The following INVS variants were observed in gnomAD, a reference collection of about 807,000 sequenced individuals.
INVS encodes inversin.
In INVS, 86 loss-of-function variants were observed where a neutral mutation model predicts 108.8. The ratio of observed to expected loss-of-function variants is 0.79; its 90% CI spans 0.66 to 0.95. The LOEUF is 0.95. Among genes scored for constraint, INVS ranks in the 40% least tolerant of loss-of-function variants. INVS has a pLI of 0.00. For missense variants in INVS, 1,169 were observed against 1,297.4 expected (o/e 0.90, Z 1.52); for synonymous variants, 455 against 473.5 (o/e 0.96, Z 0.51).
At chr9:100,243,118 T>C (rs1831931405) in intron 7 of INVS, among the ~76,000 whole-genome samples, 1 of 152,212 alleles carries the variant, frequency 6.6e-6, no homozygotes, top group Admixed American at 6.5e-5. Context: ...CATTTTACTT[T>C]ACTGTAAGAA....
At chr9:100,125,729 A>AGG (rs1176238053) in intron 2 of INVS, among the ~76,000 whole-genome samples, 18 of 136,168 alleles carry the variant, frequency 1.3e-4, no homozygotes, top group Non-Finnish European at 6.1e-5. Flanking sequence ...CTCGTTGTCC[A>AGG]GGCTGGAGTG....
chr9:100,226,045 T>C lies in INVS; in HGVS notation c.274-17T>C. ...CATAGTACATTTTTTTCTTATCATC[T>C]CTTGTTTTTTATTTAGGGAAATTAT... On this transcript the variant is annotated splice_polypyrimidine_tract_variant and intron_variant, in intron 3 of 16. Transcript: ENST00000262457. The C allele has an allele frequency of 3.1e-6, 5 of 1,589,174 alleles. No homozygotes were observed. Among genetic ancestry groups the C allele is most frequent in the South Asian group, 2.2e-5 (2 of 88,900 alleles).
At chr9:100,158,169 T>C (rs1829063032) in intron 3 of INVS, among the ~76,000 whole-genome samples, 1 of 152,230 alleles carries the variant, frequency 6.6e-6, no homozygotes, top group Non-Finnish European at 1.5e-5. Flanking sequence ...CTATCTTGTT[T>C]ATATTCTCAT....
intron 3 of INVS, among the ~76,000 whole-genome samples, chr9:100,157,945 G>T (rs973809800): frequency 2.6e-5 from 4 of 152,116 alleles, no homozygotes; most frequent in African/African-American, 9.7e-5. Context: ...TGCAGAAGAA[G>T]CTTACTTGTT....
chr9:100,157,786 T>G (rs996976708), intron 3 of INVS, among the ~76,000 whole-genome samples: 54 of 152,230 alleles, frequency 3.5e-4, no homozygotes, highest in Non-Finnish European at 2.5e-4. Flanking sequence ...TTTTATTTTC[T>G]TTGAAATTTA....
intron 14 of INVS, among the ~76,000 whole-genome samples, chr9:100,294,842 T>C (rs1294914746): frequency 6.6e-6 from 1 of 152,210 alleles, no homozygotes; most frequent in Non-Finnish European, 1.5e-5. Flanking sequence ...TGGACACTTG[T>C]GCCACTGTTC....
intron 3 of INVS, among the ~76,000 whole-genome samples, chr9:100,170,393 CAAAA>C (rs10585469): frequency 0.012 from 1,477 of 122,796 alleles, 6 homozygotes; most frequent in Non-Finnish European, 0.016. Flanking sequence ...CCTGTCTGTA[CAAAA>C]AAAAAAAAAA....
chr9:100,176,204 G>T (rs375251744), intron 3 of INVS: 5 of 310,428 alleles, frequency 1.6e-5, no homozygotes, highest in Admixed American at 8.9e-5. Flanking sequence ...CTATCAAGTC[G>T]ATTTTGTGGA....
In INVS at chr9:100,241,989, C is replaced by T. The variant is rs116859290; in HGVS notation, c.797-581C>T. Among the ~76,000 whole-genome samples the T allele has an allele frequency of 2.1e-4, 32 of 152,312 alleles. No homozygotes were observed. The East Asian group carries it at 5.6e-3, about 27-fold the overall frequency. ...AGAATGCACTACATTGTCTTCATCG[C>T]TGCCTTATCATGCCTGCCCACTTGT... is the stretch of plus-strand genomic sequence containing the variant. On this transcript the variant is annotated intron_variant, in intron 6 of 16. Coordinates refer to ENST00000262457, the MANE Select transcript of INVS (RefSeq NM_014425.5).
chr9:100,230,136 T>C (rs974017817), intron 5 of INVS, among the ~76,000 whole-genome samples: 1 of 152,220 alleles, frequency 6.6e-6, no homozygotes, highest in African/African-American at 2.4e-5. Flanking sequence ...TTCATACTTG[T>C]TTTTATTAAA....
intron 10 of INVS, among the ~76,000 whole-genome samples, chr9:100,264,296 C>T (rs1008514432): frequency 2.0e-5 from 3 of 152,034 alleles, no homozygotes; most frequent in Non-Finnish European, 4.4e-5. Context: ...AAGGGTATTA[C>T]CTCTGGAGAT....
intron 5 of INVS, among the ~76,000 whole-genome samples, chr9:100,236,827 G>C (rs1178540336): frequency 6.6e-6 from 1 of 152,214 alleles, no homozygotes; most frequent in African/African-American, 2.4e-5. Flanking sequence ...CAGTGAGGAG[G>C]CACAGGAGTC....
intron 3 of INVS, among the ~76,000 whole-genome samples, chr9:100,166,180 A>T (rs536513050): frequency 1.3e-5 from 2 of 152,282 alleles, no homozygotes; most frequent in South Asian, 4.1e-4. Flanking sequence ...AAATGGCAGA[A>T]CCAGGGTTCA....
At position 100,252,349 on chromosome 9, in the gene INVS, A is replaced by G; in HGVS notation, c.1145A>G (p.Gln382Arg). 3 of 1,613,998 alleles carry G rather than the reference A, an allele frequency of 1.9e-6. No homozygotes were observed. Among genetic ancestry groups the G allele is most frequent in the Non-Finnish European group, 2.5e-6 (3 of 1,179,862 alleles). ...TVKLLLENNAQVDATDVMKHT... is the reference protein window; with the variant it reads ...TVKLLLENNARVDATDVMKHT... ...AAGTTATTACTGGAAAATAATGCTC[A>G]AGTAGATGCTACTGATGTTATGAAA... Residue 382 changes from glutamine to arginine, a missense_variant, in exon 9 of 17, where the codon CAA becomes CGA. Gln to Arg is a conservative substitution (Grantham distance 43). Transcript: ENST00000262457.
chr9:100,100,916 ATG>A (rs1491542063), intron 1 of INVS, among the ~76,000 whole-genome samples: 2 of 40,846 alleles, frequency 4.9e-5, no homozygotes, highest in Non-Finnish European at 7.5e-5. Context: ...TATATATTAT[ATG>A]TATATATATA....
At chr9:100,234,683 G>T (rs577433608) in intron 5 of INVS, among the ~76,000 whole-genome samples, 2 of 152,314 alleles carry the variant, frequency 1.3e-5, no homozygotes, top group South Asian at 4.1e-4. Context: ...TTTTGAGTGA[G>T]TTTCTTAATC....
intron 15 of INVS, among the ~76,000 whole-genome samples, 170 bp downstream of exon 15, chr9:100,297,316 AACCT>A (rs776097018): frequency 4.6e-5 from 7 of 151,920 alleles, no homozygotes; most frequent in Admixed American, 6.6e-5. Flanking sequence ...ATTTTGCACC[AACCT>A]AATATTTCTC....
At chr9:100,257,488 G>C (rs886665434) in intron 10 of INVS, among the ~76,000 whole-genome samples, 2 of 152,338 alleles carry the variant, frequency 1.3e-5, no homozygotes, top group East Asian at 3.9e-4. Context: ...AGTTGATGCA[G>C]TTTCTTCTTA....
intron 3 of INVS, among the ~76,000 whole-genome samples, chr9:100,181,267 A>C (rs1252129102): frequency 6.6e-6 from 1 of 152,190 alleles, no homozygotes; most frequent in East Asian, 1.9e-4. Context: ...AGTTCTGGCC[A>C]GGGCAATCAG....
Sources: gnomAD v4.1 joint callset for allele counts (sites outside exome capture counted in the v4.1 genomes callset) on GRCh38, gnomAD v4.1.1 for gene constraint, MANE v1.5 for transcripts, NCBI Gene and HGNC (gene_info 2026-07-23, HGNC 2026-07-21) for gene names.